The following LHFPL3 variants were observed in gnomAD, a reference collection of about 807,000 sequenced individuals.
The protein encoded by LHFPL3 is LHFPL tetraspan subfamily member 3.
A neutral mutation model predicts 19.3 loss-of-function variants in LHFPL3; 5 were observed. The ratio of observed to expected loss-of-function variants is 0.26; its 90% CI spans 0.14 to 0.54. LHFPL3 has a LOEUF of 0.54. Ranked by LOEUF, LHFPL3 falls within the 20% of genes least tolerant of loss-of-function variation. LHFPL3 has a pLI of 0.94. For missense variants in LHFPL3, 249 were observed against 307.4 expected, an observed-to-expected ratio of 0.81 and a Z score of 1.42; for synonymous variants, 133 against 126.2, an observed-to-expected ratio of 1.05 and a Z score of -0.36.
chr7:104,768,316 GA>G (rs2116389806), intron 2 of LHFPL3, among the ~76,000 whole-genome samples: 1 of 152,260 alleles, frequency 6.6e-6, no homozygotes, highest in South Asian at 2.1e-4. Flanking sequence ...GCCTCAGTAA[GA>G]AAAAGTTGAC....
At chr7:104,834,119 A>G (rs1791043579) in intron 2 of LHFPL3, among the ~76,000 whole-genome samples, 1 of 151,038 alleles carries the variant, frequency 6.6e-6, no homozygotes, top group Non-Finnish European at 1.5e-5. Context: ...TTCGATGGCA[A>G]CTGATTAGAT....
chr7:104,588,636 T>G (rs980488489), intron 1 of LHFPL3, among the ~76,000 whole-genome samples: 12 of 152,322 alleles, frequency 7.9e-5, no homozygotes, highest in Admixed American at 7.2e-4. Context: ...TAAAGTAGTT[T>G]TTTCCAATTC....
At chr7:104,859,214 C>A (rs542811432) in intron 2 of LHFPL3, among the ~76,000 whole-genome samples, 6 of 151,422 alleles carry the variant, frequency 4.0e-5, no homozygotes. Flanking sequence ...TTGTAGTGAA[C>A]CAAGATCATA....
intron 2 of LHFPL3, among the ~76,000 whole-genome samples, chr7:104,904,746 A>G (rs190483205): frequency 6.6e-6 from 1 of 152,334 alleles, no homozygotes; most frequent in African/African-American, 2.4e-5. Context: ...AATATGGCAC[A>G]CCGTGACCAG....
intron 1 of LHFPL3, among the ~76,000 whole-genome samples, chr7:104,669,823 G>A (rs1792436178): frequency 1.3e-5 from 2 of 152,188 alleles, no homozygotes; most frequent in Admixed American, 6.5e-5. Context: ...AGAAGTTGTG[G>A]TGCGTTATGT....
intron 2 of LHFPL3, among the ~76,000 whole-genome samples, chr7:104,741,721 C>T (rs373963997): frequency 2.6e-5 from 4 of 151,804 alleles, no homozygotes; most frequent in Admixed American, 6.6e-5. Context: ...GTATTGGCGG[C>T]GGGGGTTGTT....
In LHFPL3 at chr7:104,736,813, T is replaced by C. The variant is rs779611528; in HGVS notation, c.584T>C (p.Ile195Thr). 2.5e-5 allele frequency: 41 copies of C among 1,613,196 alleles called. No homozygotes were observed. The highest frequency in any genetic ancestry group is 6.7e-5 in the East Asian group (3 of 44,868). The change falls in exon 2 of 3, where the codon ATT becomes ACT. Residue 195 changes from isoleucine to threonine, a missense_variant. Coordinates refer to ENST00000424859, the MANE Select transcript of LHFPL3 (RefSeq NM_199000.3). ...CGCTGGGCATACATCCTGGCTATTA[T>C]TGGAATTTTGGATGCCCTGATCCTC... ...SVRWAYILAI[I>T]GILDALILSF...
intron 2 of LHFPL3, among the ~76,000 whole-genome samples, chr7:104,809,184 G>A (rs144293704): frequency 4.6e-5 from 7 of 152,240 alleles, no homozygotes; most frequent in African/African-American, 1.2e-4. Flanking sequence ...GTGAGCCCGC[G>A]TGCCCAGCCG....
intron 1 of LHFPL3, among the ~76,000 whole-genome samples, chr7:104,491,372 G>T (rs1236988303): frequency 1.3e-5 from 2 of 151,926 alleles, no homozygotes; most frequent in Admixed American, 6.6e-5. Context: ...GCAGATTCCA[G>T]CTGGAATTCC....
intron 1 of LHFPL3, among the ~76,000 whole-genome samples, chr7:104,515,812 G>GT (rs1417405946): frequency 6.6e-6 from 1 of 152,058 alleles, no homozygotes; most frequent in Non-Finnish European, 1.5e-5. Flanking sequence ...AAATACTGAG[G>GT]CAATTTAAGT....
At chr7:104,465,434 A>T (rs553039291) in intron 1 of LHFPL3, among the ~76,000 whole-genome samples, 108 of 152,240 alleles carry the variant, frequency 7.1e-4, no homozygotes, top group Non-Finnish European at 7.4e-5. Flanking sequence ...TGCAGTACTG[A>T]ATTTACTGTA....
chr7:104,417,784 T>C (rs892168485), intron 1 of LHFPL3, among the ~76,000 whole-genome samples: 13 of 152,140 alleles, frequency 8.5e-5, no homozygotes, highest in Admixed American at 2.6e-4. Context: ...GGTGCTTGAC[T>C]CATGGTAAGT....
At chr7:104,463,787 C>T (rs1018249837) in intron 1 of LHFPL3, among the ~76,000 whole-genome samples, 1 of 152,202 alleles carries the variant, frequency 6.6e-6, no homozygotes, top group Non-Finnish European at 1.5e-5. Context: ...ACTTCTGTGA[C>T]ACATGGGGAT....
At chr7:104,481,982 G>A in intron 1 of LHFPL3, among the ~76,000 whole-genome samples, 1 of 152,166 alleles carries the variant, frequency 6.6e-6, no homozygotes, top group East Asian at 1.9e-4. Flanking sequence ...AGTGTTGCCT[G>A]CTAATGGCTC....
At chr7:104,862,473 G>C (rs1420990638) in intron 2 of LHFPL3, among the ~76,000 whole-genome samples, 3 of 152,182 alleles carry the variant, frequency 2.0e-5, no homozygotes, top group Non-Finnish European at 4.4e-5. Flanking sequence ...GAGGTTCTGA[G>C]ATGATAAGTG....
intron 1 of LHFPL3, among the ~76,000 whole-genome samples, chr7:104,393,763 G>C (rs927983718): frequency 6.6e-6 from 1 of 152,110 alleles, no homozygotes; most frequent in Admixed American, 6.5e-5. Context: ...ATATTATTCA[G>C]TAATAAAAAG....
At chr7:104,484,016 C>T (rs1156463068) in intron 1 of LHFPL3, among the ~76,000 whole-genome samples, 2 of 152,154 alleles carry the variant, frequency 1.3e-5, no homozygotes, top group Non-Finnish European at 2.9e-5. Context: ...ATTAGTAGGT[C>T]CTTATACAGC....
intron 1 of LHFPL3, among the ~76,000 whole-genome samples, chr7:104,538,263 T>C (rs149560881): frequency 0.018 from 2,726 of 152,272 alleles, 34 homozygotes; most frequent in Middle Eastern, 0.031. Flanking sequence ...AATGTGTCCT[T>C]AGATTAAAGC....
intron 1 of LHFPL3, among the ~76,000 whole-genome samples, chr7:104,433,107 T>G (rs1792032615): frequency 6.6e-6 from 1 of 152,208 alleles, no homozygotes; most frequent in African/African-American, 2.4e-5. Flanking sequence ...AAATTAAAAC[T>G]GAGACTTTTT....
Sources: allele counts gnomAD v4.1 joint callset (sites outside exome capture counted in the v4.1 genomes callset), GRCh38; gene constraint gnomAD v4.1.1; transcripts MANE v1.5; gene names NCBI Gene and HGNC (gene_info 2026-07-23, HGNC 2026-07-21).